The following IRAG2 variants were observed in gnomAD, a reference collection of about 807,000 sequenced individuals.
IRAG2 encodes the protein inositol 1,4,5-triphosphate receptor associated 2.
Under a neutral mutation model 69.9 loss-of-function variants are expected in IRAG2, and 45 were observed. That is an observed-to-expected ratio of 0.64 (90% CI 0.51 to 0.83). The LOEUF (loss-of-function observed/expected upper bound fraction) is 0.83, where lower values mean the gene tolerates loss of function less well. Ranked by LOEUF, IRAG2 falls within the 40% of genes least tolerant of loss-of-function variation. The probability of loss-of-function intolerance (pLI) is 0.00; values close to 1 mark genes in which losing one functional copy is unlikely to be tolerated. For synonymous variants in IRAG2, 193 were observed against 202.4 expected (o/e 0.95, Z 0.40); for missense variants, 520 against 587.0 (o/e 0.89, Z 1.18).
intron 20 of IRAG2, among the ~76,000 whole-genome samples, chr12:25,105,289 G>A (rs1397193983): frequency 6.6e-6 from 1 of 151,944 alleles, no homozygotes; most frequent in East Asian, 1.9e-4. Flanking sequence ...TGTTAGCCAG[G>A]ATGGTCTCGA....
intron 1 of IRAG2, among the ~76,000 whole-genome samples, chr12:25,005,088 G>A (rs1299815099): frequency 6.6e-6 from 1 of 151,914 alleles, no homozygotes; most frequent in Admixed American, 6.6e-5. Context: ...ACGTCATGAT[G>A]GGAATACTTA....
chr12:25,037,827 C>T (rs1215680361), intron 15 of IRAG2: 3 of 394,200 alleles, frequency 7.6e-6, no homozygotes, highest in African/African-American at 6.2e-5. Context: ...AATTAACATA[C>T]AATTGAGAAT....
At chr12:25,071,431 A>G (rs1248250056) in intron 6 of IRAG2, among the ~76,000 whole-genome samples, 2 of 152,214 alleles carry the variant, frequency 1.3e-5, no homozygotes, top group African/African-American at 4.8e-5. Context: ...TTAGTAAAGG[A>G]AGTTGAACTT....
At chr12:25,054,186 T>A (rs922596174) in intron 1 of IRAG2, among the ~76,000 whole-genome samples, 3 of 152,228 alleles carry the variant, frequency 2.0e-5, no homozygotes, top group Non-Finnish European at 4.4e-5. Flanking sequence ...TCTGATTCAC[T>A]CTGTTAAGCT....
At chr12:25,030,175 T>C in intron 9 of IRAG2, 1 of 667,648 alleles carries the variant, frequency 1.5e-6, no homozygotes, top group East Asian at 3.4e-5. Context: ...AGTACATGCA[T>C]GTTAAAGGTG....
intron 1 of IRAG2, among the ~76,000 whole-genome samples, chr12:25,053,209 T>C (rs2139888962): frequency 6.6e-6 from 1 of 151,970 alleles, no homozygotes; most frequent in Admixed American, 6.6e-5. Context: ...TGTTTTTTTC[T>C]TTTAAAATTA....
intron 7 of IRAG2, among the ~76,000 whole-genome samples, chr12:25,022,489 CAAAA>C (rs1944589284): frequency 6.6e-6 from 1 of 151,938 alleles, no homozygotes; most frequent in East Asian, 1.9e-4. Flanking sequence ...GACTTGGTCT[CAAAA>C]AATAAATAAA....
rs369228092 is a variant in IRAG2, at chr12:25,060,245, T to G, written c.-446-1347T>G. Among the ~76,000 whole-genome samples, 174 of 152,298 alleles carry G rather than the reference T, an allele frequency of 1.1e-3. 2 individuals carry two copies. Among genetic ancestry groups the G allele is most frequent in the African/African-American group, 4.0e-3 (165 of 41,568 alleles). On this transcript the variant is annotated intron_variant, in intron 1 of 21. Coordinates refer to ENST00000556887, the MANE Select transcript of IRAG2 (RefSeq NM_001366544.2). ...GCATAAATATCAGTATCTATTCTAG[T>G]TGTTCAAAAGATTTGGGTTTATTTT...
intron 6 of IRAG2, among the ~76,000 whole-genome samples, chr12:25,077,398 T>TATATATGATATATATATGAA (rs1220273242): frequency 7.3e-6 from 1 of 136,992 alleles, no homozygotes; most frequent in African/African-American, 2.7e-5. Context: ...ATATATGAAA[T>TATATATGATATATATATGAA]ATATATACAC....
At chr12:25,055,939 T>C (rs1945227662) in intron 1 of IRAG2, among the ~76,000 whole-genome samples, 1 of 152,198 alleles carries the variant, frequency 6.6e-6, no homozygotes, top group Non-Finnish European at 1.5e-5. Flanking sequence ...CGTGAAATCT[T>C]CATGGAGTCA....
Position 25,097,028 on chromosome 12 carries a change from T to C in IRAG2, c.725T>C (p.Leu242Ser). The change falls in exon 15 of 22, where the codon TTG (leucine) becomes TCG (serine). Residue 242 changes from leucine to serine, a missense_variant. Physicochemically the swap from Leu to Ser is moderately radical, Grantham distance 145. Coordinates refer to ENST00000556887, the MANE Select transcript of IRAG2 (RefSeq NM_001366544.2). The stretch of plus-strand genomic sequence containing the variant: ...CGAGTGGCCAGTAGGGCTGAGATGT[T>C]GGGAGCCATCAATCAGGTAACCTGT... ...AARVASRAEM[L>S]GAINQESRVS... is the part of the protein sequence containing the mutation. The C allele has an allele frequency of 6.2e-7, 1 of 1,609,920 alleles. No individual in the cohort carries two copies. The highest frequency in any genetic ancestry group is 1.7e-5 in the Admixed American group (1 of 58,774).
intron 1 of IRAG2, among the ~76,000 whole-genome samples, chr12:25,055,049 CTCTGGCTAGT>C (rs1476677382): frequency 1.3e-5 from 2 of 152,220 alleles, no homozygotes; most frequent in Non-Finnish European, 2.9e-5. Flanking sequence ...TTCTGAAACT[CTCTGGCTAGT>C]TTAATAAATT....
At chr12:25,026,151 G>T (rs1944619682) in intron 8 of IRAG2, among the ~76,000 whole-genome samples, 1 of 152,110 alleles carries the variant, frequency 6.6e-6, no homozygotes, top group South Asian at 2.1e-4. Context: ...GGAGTGAGGG[G>T]GCTGGGCATA....
chr12:25,004,426 G>C (rs1944415372), exon 1 of IRAG2: 3 of 1,231,976 alleles, frequency 2.4e-6, no homozygotes. Context: ...CCACAAGAGA[G>C]AAGCAATTTC....
At position 25,090,193 on chromosome 12, in the gene IRAG2, T is replaced by C; in HGVS notation, c.602T>C (p.Leu201Ser). The C allele has an allele frequency of 6.2e-7, 1 of 1,613,318 alleles. No homozygotes were observed. Among genetic ancestry groups the C allele is most frequent in the Non-Finnish European group, 8.5e-7 (1 of 1,179,518 alleles). ...KKEITNCLKL[L>S]ESLTPLCEDD... ...GAAATCACTAACTGTTTAAAACTAT[T>C]AGAGGTGAGAATCAGAACATTTGGG... The change falls in exon 14 of 22, where the codon TTA (leucine) becomes TCA (serine). Residue 201 changes from leucine to serine, a missense_variant. Coordinates refer to ENST00000556887, the MANE Select transcript of IRAG2 (RefSeq NM_001366544.2).
At chr12:25,023,110 G>A (rs1944595129) in intron 7 of IRAG2, among the ~76,000 whole-genome samples, 1 of 130,290 alleles carries the variant, frequency 7.7e-6, no homozygotes, top group Admixed American at 8.9e-5. Context: ...TGGGCAACAA[G>A]AGCGAGACTT....
intron 6 of IRAG2, among the ~76,000 whole-genome samples, chr12:25,069,668 G>T (rs1946200849): frequency 6.6e-6 from 1 of 152,148 alleles, no homozygotes; most frequent in South Asian, 2.1e-4. Flanking sequence ...TGCACTGTGG[G>T]TTATAGAACC....
intron 6 of IRAG2, among the ~76,000 whole-genome samples, chr12:25,073,568 T>G (rs1946466187): frequency 6.6e-6 from 1 of 152,202 alleles, no homozygotes; most frequent in Non-Finnish European, 1.5e-5. Flanking sequence ...AATATAAAAG[T>G]GAACATCATT....
At chr12:25,011,216 G>C (rs529008866) in intron 2 of IRAG2, 1 of 551,818 alleles carries the variant, frequency 1.8e-6, no homozygotes, top group Admixed American at 4.4e-5. Flanking sequence ...CCCAAGGCCA[G>C]TGTTCTTTAC....
Sources: gnomAD v4.1 joint callset for allele counts (sites outside exome capture counted in the v4.1 genomes callset) on GRCh38, gnomAD v4.1.1 for gene constraint, MANE v1.5 for transcripts, NCBI Gene and HGNC (gene_info 2026-07-23, HGNC 2026-07-21) for gene names.